Variants in GABRG3 observed in about 807,000 individuals in gnomAD.
GABRG3 encodes gamma-aminobutyric acid receptor subunit gamma-3.
GABRG3 carries 25 observed loss-of-function variants against 48.8 expected under a neutral mutation model. The observed-to-expected ratio is 0.51, with a 90% CI of 0.37 to 0.72. The LOEUF (loss-of-function observed/expected upper bound fraction) is 0.72, where lower values mean the gene tolerates loss of function less well. GABRG3 is among the 30% of genes least tolerant of loss of function. The pLI, the probability that GABRG3 is intolerant of heterozygous loss-of-function variation, is 0.00. For missense variants in GABRG3, 394 were observed against 577.9 expected, an observed-to-expected ratio of 0.68 and a Z score of 3.26; for synonymous variants, 227 against 217.6, an observed-to-expected ratio of 1.04 and a Z score of -0.38.
intron 5 of GABRG3, chr15:27,362,187 T>A (rs934747802): frequency 1.3e-5 from 2 of 152,216 alleles, no homozygotes; most frequent in Non-Finnish European, 2.9e-5. Flanking sequence ...AATTAAAATG[T>A]ATGAAAAGAA....
intron 3 of GABRG3, among the ~76,000 whole-genome samples, chr15:27,193,289 G>C (rs896762177): frequency 6.6e-6 from 1 of 152,148 alleles, no homozygotes; most frequent in Non-Finnish European, 1.5e-5. Context: ...GGTTACTGCT[G>C]TCTTTTTGTT....
In GABRG3 at chr15:27,102,245, C is replaced by G. The variant is rs147483097; in HGVS notation, c.270+75424C>G. On this transcript the variant is annotated intron_variant, in intron 3 of 9. Coordinates refer to ENST00000615808, the MANE Select transcript of GABRG3 (RefSeq NM_033223.5). ...ATTTCAGTCTTAAGAACATAAAATT[C>G]TGAAAATTGCTGTGTTCTACACAGT... Among the ~76,000 whole-genome samples the G allele has an allele frequency of 2.1e-3, 322 of 152,220 alleles. 1 individual carries two copies. Among genetic ancestry groups the G allele is most frequent in the African/African-American group, 7.2e-3 (298 of 41,536 alleles).
intron 3 of GABRG3, among the ~76,000 whole-genome samples, chr15:27,036,645 G>A (rs769209294): frequency 2.0e-5 from 3 of 152,120 alleles, no homozygotes; most frequent in Non-Finnish European, 2.9e-5. Context: ...AGCTGAGATT[G>A]CACCATTACG....
At chr15:27,403,737 A>C (rs1887539975) in intron 5 of GABRG3, among the ~76,000 whole-genome samples, 1 of 150,796 alleles carries the variant, frequency 6.6e-6, no homozygotes, top group Non-Finnish European at 1.5e-5. Context: ...ACATGGTGAA[A>C]CCCCGTCTCT....
intron 3 of GABRG3, among the ~76,000 whole-genome samples, chr15:27,222,841 C>G (rs1488812005): frequency 6.6e-6 from 1 of 152,212 alleles, no homozygotes; most frequent in African/African-American, 2.4e-5. Context: ...GAATGGTTCC[C>G]CACGGCCCTG....
At chr15:27,098,008 A>G (rs1436047349) in intron 3 of GABRG3, among the ~76,000 whole-genome samples, 2 of 151,886 alleles carry the variant, frequency 1.3e-5, no homozygotes, top group Admixed American at 6.6e-5. Flanking sequence ...AAGAAACTGT[A>G]ACAACAAAGT....
chr15:27,236,174 TC>T lies in GABRG3; in HGVS notation c.271-90633del, dbSNP rs1889957454. On this transcript the variant is annotated intron_variant, in intron 3 of 9. Transcript: ENST00000615808. This position sits in a 1 kb window ranked among gnomAD's most constrained non-coding sequence, Gnocchi z 4.4. ...CCAGAACACTTTTCTGTAAACCGTG[TC>T]CGGCGTACATGGAAGCATCTCAGGA... Among the ~76,000 whole-genome samples the T allele has an allele frequency of 6.6e-6, 1 of 152,186 alleles. No homozygotes were observed. The highest frequency in any genetic ancestry group is 1.5e-5 in the Non-Finnish European group (1 of 68,034).
intron 5 of GABRG3, among the ~76,000 whole-genome samples, chr15:27,475,004 C>T (rs1286777093): frequency 6.6e-6 from 1 of 152,056 alleles, no homozygotes; most frequent in Non-Finnish European, 1.5e-5. Flanking sequence ...GTGGCAGGCA[C>T]CTGTAATCCC....
In GABRG3 at chr15:27,104,547, T is replaced by C. The variant is rs370839945; in HGVS notation, c.270+77726T>C. On this transcript the variant is annotated intron_variant, in intron 3 of 9. Coordinates refer to ENST00000615808, the MANE Select transcript of GABRG3 (RefSeq NM_033223.5). ...AGGAAACACTGATATATGGTATGTC[T>C]AGTGACGTGCTGTGCATTTGTTCCA... Among the ~76,000 whole-genome samples the C allele has an allele frequency of 1.3e-3, 191 of 152,378 alleles. 1 individual carries two copies. Among genetic ancestry groups the C allele is most frequent in the African/African-American group, 4.4e-3 (181 of 41,598 alleles).
At chr15:26,982,420 G>A (rs1895073006) in intron 2 of GABRG3, among the ~76,000 whole-genome samples, 1 of 152,176 alleles carries the variant, frequency 6.6e-6, no homozygotes, top group Admixed American at 6.5e-5. Flanking sequence ...GGGAGACAGT[G>A]GGTGAGCTTG....
chr15:27,467,653 A>AT (rs1479644696), intron 5 of GABRG3, among the ~76,000 whole-genome samples: 3 of 152,164 alleles, frequency 2.0e-5, no homozygotes, highest in Non-Finnish European at 4.4e-5. Context: ...CTTTAGTTCT[A>AT]TTTTTTATGG....
chr15:27,458,420 G>A lies in GABRG3; in HGVS notation c.575-22230G>A, dbSNP rs1159229092. ...AATTCTCACCCTGATTGAAATAGTC[G>A]AAATGGCCTAATTTAATACAGCCTT... is the stretch of plus-strand genomic sequence containing the variant. On this transcript the variant is annotated intron_variant, in intron 5 of 9. Transcript: ENST00000615808. Among the ~76,000 whole-genome samples, 5 of 152,260 alleles carry A rather than the reference G, an allele frequency of 3.3e-5. No individual in the cohort carries two copies. In the South Asian group the frequency reaches 6.2e-4, roughly 19 times the overall value.
At chr15:27,471,568 A>G (rs781570438) in intron 5 of GABRG3, among the ~76,000 whole-genome samples, 1 of 152,354 alleles carries the variant, frequency 6.6e-6, no homozygotes, top group Admixed American at 6.5e-5. Context: ...TCAGGTGAAC[A>G]CAGGCAGCTT....
At chr15:27,202,339 T>C (rs1855569954) in intron 3 of GABRG3, among the ~76,000 whole-genome samples, 1 of 152,238 alleles carries the variant, frequency 6.6e-6, no homozygotes, top group South Asian at 2.1e-4. Flanking sequence ...AATCATTCAT[T>C]ATTTGTAATG....
intron 5 of GABRG3, among the ~76,000 whole-genome samples, chr15:27,414,373 G>A (rs1325126117): frequency 2.6e-5 from 4 of 152,048 alleles, no homozygotes; most frequent in African/African-American, 7.2e-5. Flanking sequence ...CTAGTGAGCC[G>A]TGGCTTTCTT....
chr15:27,467,695 G>A (rs185716805), intron 5 of GABRG3, among the ~76,000 whole-genome samples: 141 of 152,308 alleles, frequency 9.3e-4, no homozygotes, highest in Admixed American at 7.9e-3. Flanking sequence ...TCATGTGCCA[G>A]TTATTCCACA....
chr15:27,168,983 C>T lies in GABRG3; in HGVS notation c.270+142162C>T, dbSNP rs148122947. Among the ~76,000 whole-genome samples the T allele has an allele frequency of 6.8e-4, 103 of 152,312 alleles. 1 individual carries two copies. The highest frequency in any genetic ancestry group is 2.4e-3 in the African/African-American group (100 of 41,560). On this transcript the variant is annotated intron_variant, in intron 3 of 9. Coordinates refer to ENST00000615808, the MANE Select transcript of GABRG3 (RefSeq NM_033223.5). ...GTGTTTGGCAGTCAGGTCCTTCTTGCTCTTTGTTAATGAGTCTATTAGAAT... is the reference window on the plus strand; with the variant it reads ...GTGTTTGGCAGTCAGGTCCTTCTTGTTCTTTGTTAATGAGTCTATTAGAAT...
At chr15:27,291,267 A>G (rs367964452) in intron 3 of GABRG3, among the ~76,000 whole-genome samples, 3 of 152,330 alleles carry the variant, frequency 2.0e-5, no homozygotes, top group South Asian at 2.1e-4. Flanking sequence ...AAGTAGATCA[A>G]TGGTTAATGG....
chr15:27,203,042 T>G (rs1485150586), intron 3 of GABRG3, among the ~76,000 whole-genome samples: 1 of 152,146 alleles, frequency 6.6e-6, no homozygotes, highest in East Asian at 1.9e-4. Context: ...TGGAACTGTT[T>G]TACCTTTCCA....
Sources: allele counts gnomAD v4.1 joint callset (sites outside exome capture counted in the v4.1 genomes callset), GRCh38; gene constraint gnomAD v4.1.1; non-coding constraint Gnocchi (gnomAD v3.1); transcripts MANE v1.5; gene names NCBI Gene and HGNC (gene_info 2026-07-23, HGNC 2026-07-21).